The following BZW2 variants were observed in gnomAD, a reference collection of about 807,000 sequenced individuals.
The protein encoded by BZW2 is basic leucine zipper and W2 domains 2.
In BZW2, 23 loss-of-function variants were observed where a neutral mutation model predicts 53.2. That is an observed-to-expected ratio of 0.43 (90% CI 0.31 to 0.61). The LOEUF is 0.61. BZW2 is among the 20% of genes least tolerant of loss of function. The probability of loss-of-function intolerance (pLI) is 0.09; values close to 1 mark genes in which losing one functional copy is unlikely to be tolerated. For synonymous variants in BZW2, 227 were observed against 186.4 expected, an observed-to-expected ratio of 1.22 and a Z score of -1.77; for missense variants, 409 against 503.1, an observed-to-expected ratio of 0.81 and a Z score of 1.79.
At chr7:16,671,476 G>GC (rs1782596720) in intron 2 of BZW2, among the ~76,000 whole-genome samples, 1 of 152,160 alleles carries the variant, frequency 6.6e-6, no homozygotes, top group Admixed American at 6.5e-5. Flanking sequence ...TTAAGGAAAA[G>GC]CTTGAAATGT....
rs1413785898 is a variant in BZW2 at position 16,689,577 on chromosome 7, CA to C, written c.542-217del. On this transcript the variant is annotated intron_variant, in intron 6 of 11. Transcript: ENST00000258761. ...TAGACCAGGTTGGATTCAAGGAGTC[CA>C]AATTTGAAAAATATTTTAATTTATT... Among the ~76,000 whole-genome samples the C allele has an allele frequency of 2.0e-5, 3 of 152,238 alleles. No homozygotes were observed. The East Asian group carries it at 5.8e-4, about 29-fold the overall frequency.
chr7:16,704,440 T>C, intron 10 of BZW2, 107 bp from the exon 11 acceptor site: 1 of 1,173,822 alleles, frequency 8.5e-7, no homozygotes, highest in Non-Finnish European at 1.1e-6. Context: ...AGTAACAGAA[T>C]GCTTTATATT....
At chr7:16,655,010 C>T (rs1307398121) in intron 1 of BZW2, among the ~76,000 whole-genome samples, 1 of 152,162 alleles carries the variant, frequency 6.6e-6, no homozygotes, top group Non-Finnish European at 1.5e-5. Flanking sequence ...TGTTGTTTCT[C>T]AGCTTAATCA....
chr7:16,704,891 A>T (rs902647128), intron 11 of BZW2, among the ~76,000 whole-genome samples: 1 of 152,254 alleles, frequency 6.6e-6, no homozygotes, highest in African/African-American at 2.4e-5. Context: ...TGCTTAAATT[A>T]TCCACTCTGA....
intron 7 of BZW2, among the ~76,000 whole-genome samples, chr7:16,690,266 A>C (rs760703793): frequency 6.6e-5 from 10 of 151,820 alleles, no homozygotes; most frequent in Non-Finnish European, 8.8e-5. Context: ...GCAATGGCAC[A>C]ATCTCGCTCA....
intron 8 of BZW2, 114 bp downstream of exon 8, chr7:16,695,118 T>C (rs1783438218): frequency 9.9e-7 from 1 of 1,013,162 alleles, no homozygotes; most frequent in South Asian, 3.8e-5. Flanking sequence ...GCTGTAAACT[T>C]TGTCCACTTA....
At chr7:16,648,242 A>G (rs1267561514) in intron 1 of BZW2, among the ~76,000 whole-genome samples, 1 of 152,260 alleles carries the variant, frequency 6.6e-6, no homozygotes, top group Non-Finnish European at 1.5e-5. Context: ...TTTATTGATA[A>G]TAAGATAGCT....
chr7:16,705,510 C>T (rs538857295), intron 11 of BZW2, among the ~76,000 whole-genome samples: 6 of 151,634 alleles, frequency 4.0e-5, no homozygotes, highest in East Asian at 3.9e-4. Context: ...ACAGTGAAAC[C>T]GTGTCTCTAC....
rs527263429 is a variant in BZW2 at position 16,669,084 on chromosome 7, T to C, written c.58+3583T>C. ...AAACTGCAGGCATTCAGCATGACCA[T>C]GTGCTCAGGTTTCTCCCTGAGACTT... On this transcript the variant is annotated intron_variant, in intron 2 of 11. Transcript: ENST00000258761. Among the ~76,000 whole-genome samples, 4 of 152,352 alleles carry C rather than the reference T, an allele frequency of 2.6e-5. No individual in the cohort carries two copies. The East Asian group carries it at 5.8e-4, about 22-fold the overall frequency.
At chr7:16,691,745 G>A (rs893230503) in intron 7 of BZW2, among the ~76,000 whole-genome samples, 3 of 152,150 alleles carry the variant, frequency 2.0e-5, no homozygotes, top group East Asian at 1.9e-4. Flanking sequence ...CAATCTATCC[G>A]GTTATTTCTT....
chr7:16,652,541 A>G (rs1782010793), intron 1 of BZW2, among the ~76,000 whole-genome samples: 1 of 152,082 alleles, frequency 6.6e-6, no homozygotes, highest in Non-Finnish European at 1.5e-5. Context: ...TTTGAGACGG[A>G]GTTTCGCTGT....
intron 9 of BZW2, 47 bp from the exon 10 acceptor site, chr7:16,698,001 G>A: frequency 1.2e-6 from 2 of 1,611,104 alleles, no homozygotes; most frequent in Non-Finnish European, 1.7e-6. Context: ...TGTCGGCTCT[G>A]TACCTCCCAC....
In BZW2 at chr7:16,696,952, A is replaced by G; in HGVS notation, c.860A>G (p.Asp287Gly). The part of the protein sequence containing the change: ...LYVKEEMKRN[D>G]LPETAVIGLL... ...GTCAAAGAAGAAATGAAGAGGAATGATCTTCCAGAAACAGCAGTGATTGGT... is the reference window on the plus strand; with the variant it reads ...GTCAAAGAAGAAATGAAGAGGAATGGTCTTCCAGAAACAGCAGTGATTGGT... The change falls in exon 9 of 12, where the codon GAT (aspartate) becomes GGT (glycine). Residue 287 changes from aspartate (D) to glycine (G), a missense_variant. Physicochemically the swap from Asp to Gly is moderately conservative, Grantham distance 94. Around this residue, in one of 3 missense-constraint regions of BZW2, gnomAD observed 316 missense variants for 366.8 expected, o/e 0.86. Transcript: ENST00000258761. 3 of 1,614,170 alleles carry G rather than the reference A, an allele frequency of 1.9e-6. No individual in the cohort carries two copies. Among genetic ancestry groups the G allele is most frequent in the South Asian group, 1.1e-5 (1 of 91,086 alleles).
At chr7:16,654,083 CAAAAAAAAAAAAAAAAA>C (rs61590306) in intron 1 of BZW2, among the ~76,000 whole-genome samples, 160 of 82,540 alleles carry the variant, frequency 1.9e-3, no homozygotes, top group African/African-American at 6.8e-3. Context: ...CCCATCTCTA[CAAAAAAAAAAAAAAAAA>C]AAAAAAAAAA....
intron 1 of BZW2, among the ~76,000 whole-genome samples, chr7:16,649,005 T>C (rs1234222261): frequency 6.6e-6 from 1 of 152,208 alleles, no homozygotes; most frequent in Non-Finnish European, 1.5e-5. Flanking sequence ...TGGAGGATAT[T>C]GATATGCAAC....
At chr7:16,699,636 C>G (rs761492724) in intron 10 of BZW2, among the ~76,000 whole-genome samples, 4 of 151,994 alleles carry the variant, frequency 2.6e-5, no homozygotes, top group Non-Finnish European at 4.4e-5. Flanking sequence ...ACTGAGACAT[C>G]GTTGTCGGAG....
Position 16,697,076 on chromosome 7 carries a change from C to T in BZW2, c.969+15C>T, listed in dbSNP as rs1423063727. ...AGCACCTGAAGGTAACAGCCCTTAGCAAGGAACTGACCCAGCCAAGGGCAA... is the reference window on the plus strand; with the variant it reads ...AGCACCTGAAGGTAACAGCCCTTAGTAAGGAACTGACCCAGCCAAGGGCAA... On this transcript the variant is annotated intron_variant, in intron 9 of 11. Transcript: ENST00000258761. 8.1e-6 allele frequency: 13 copies of T among 1,612,054 alleles called. No individual in the cohort carries two copies. Among genetic ancestry groups the T allele is most frequent in the Non-Finnish European group, 1.1e-5 (13 of 1,179,340 alleles).
chr7:16,654,248 T>C (rs1344952908), intron 1 of BZW2, among the ~76,000 whole-genome samples: 3 of 151,652 alleles, frequency 2.0e-5, no homozygotes, highest in Non-Finnish European at 4.4e-5. Context: ...ATAATAATAA[T>C]ATAGAGACCA....
intron 8 of BZW2, 120 bp downstream of exon 8, chr7:16,695,124 A>G (rs938257944): frequency 3.8e-5 from 34 of 885,726 alleles, no homozygotes; most frequent in Non-Finnish European, 5.1e-5. Context: ...AACTTTGTCC[A>G]CTTATTCCTA....
Sources: allele counts gnomAD v4.1 joint callset (sites outside exome capture counted in the v4.1 genomes callset), GRCh38; gene constraint gnomAD v4.1.1; regional missense constraint gnomAD v4.1.1; transcripts MANE v1.5; gene names NCBI Gene and HGNC (gene_info 2026-07-23, HGNC 2026-07-21).